CDKAL1: variants seen among roughly 807,000 people sequenced by gnomAD.
The protein encoded by CDKAL1 is CDKAL1 threonylcarbamoyladenosine tRNA methylthiotransferase.
In CDKAL1, 32 loss-of-function variants were observed where a neutral mutation model predicts 68.2. The observed-to-expected ratio is 0.47, with a 90% CI of 0.35 to 0.63. The LOEUF (loss-of-function observed/expected upper bound fraction) is 0.63, where lower values mean the gene tolerates loss of function less well. CDKAL1 is among the 30% of genes least tolerant of loss of function. The pLI, the probability that CDKAL1 is intolerant of heterozygous loss-of-function variation, is 0.00. For missense variants in CDKAL1, 606 were observed against 696.7 expected (o/e 0.87, Z 1.47); for synonymous variants, 234 against 244.3 (o/e 0.96, Z 0.39).
intron 10 of CDKAL1, among the ~76,000 whole-genome samples, chr6:20,979,554 G>A (rs1766004041): frequency 2.6e-5 from 4 of 151,932 alleles, no homozygotes; most frequent in African/African-American, 9.7e-5. Flanking sequence ...CTTTTGATAG[G>A]AACATGTTTC....
At chr6:20,844,844 A>G (rs1359559512) in intron 8 of CDKAL1, among the ~76,000 whole-genome samples, 1 of 152,186 alleles carries the variant, frequency 6.6e-6, no homozygotes, top group African/African-American at 2.4e-5. Flanking sequence ...AGGGCAGAAT[A>G]TGTAAAGAGA....
At chr6:21,052,259 A>T (rs79351680) in intron 11 of CDKAL1, among the ~76,000 whole-genome samples, 2,204 of 152,304 alleles carry the variant, frequency 0.014, 56 homozygotes, top group African/African-American at 0.05. Context: ...AAATAGATCC[A>T]TGCTTTCCTT....
intron 13 of CDKAL1, among the ~76,000 whole-genome samples, chr6:21,159,099 TCC>T (rs2151060462): frequency 7.8e-6 from 1 of 127,874 alleles, no homozygotes; most frequent in Non-Finnish European, 1.7e-5. Context: ...TTCTGAAACC[TCC>T]TTTTTTTTTT....
intron 7 of CDKAL1, among the ~76,000 whole-genome samples, chr6:20,769,507 G>A (rs899523626): frequency 4.6e-5 from 7 of 151,764 alleles, no homozygotes; most frequent in South Asian, 4.2e-4. Flanking sequence ...GATCTCCCCC[G>A]CCTTGTCCCA....
chr6:20,936,038 A>G (rs1373225246), intron 9 of CDKAL1, among the ~76,000 whole-genome samples: 1 of 152,108 alleles, frequency 6.6e-6, no homozygotes, highest in African/African-American at 2.4e-5. Context: ...AATAATGAAT[A>G]GAAATGTAAT....
chr6:20,663,987 A>G (rs1769409058), intron 5 of CDKAL1, among the ~76,000 whole-genome samples: 1 of 152,170 alleles, frequency 6.6e-6, no homozygotes, highest in African/African-American at 2.4e-5. Context: ...AAAATGGAGA[A>G]TTTGATATAA....
intron 13 of CDKAL1, among the ~76,000 whole-genome samples, chr6:21,142,051 G>A (rs111391973): frequency 0.017 from 2,583 of 152,084 alleles, 69 homozygotes; most frequent in African/African-American, 0.059. Flanking sequence ...AAAAAAAGAA[G>A]GAAGGAAAAA....
At chr6:21,037,304 G>A (rs759813660) in intron 11 of CDKAL1, among the ~76,000 whole-genome samples, 12 of 152,260 alleles carry the variant, frequency 7.9e-5, no homozygotes, top group Middle Eastern at 3.4e-3. Context: ...GGAGCAGAAT[G>A]CCTTTGCATT....
chr6:20,814,271 T>C (rs1298322421), intron 8 of CDKAL1, among the ~76,000 whole-genome samples: 2 of 152,192 alleles, frequency 1.3e-5, no homozygotes, highest in African/African-American at 2.4e-5. Flanking sequence ...TAACATTGTA[T>C]TCTCCCACCT....
chr6:20,578,196 T>C (rs78587584), intron 4 of CDKAL1, among the ~76,000 whole-genome samples: 4,981 of 152,278 alleles, frequency 0.033, 260 homozygotes, highest in African/African-American at 0.11. Flanking sequence ...GTATAATTTA[T>C]ATCCAATAAA....
intron 9 of CDKAL1, among the ~76,000 whole-genome samples, chr6:20,898,052 T>A (rs976235427): frequency 6.6e-6 from 1 of 152,074 alleles, no homozygotes; most frequent in East Asian, 1.9e-4. Context: ...AATCAACAGA[T>A]CTTTACTCAT....
chr6:20,563,544 A>G (rs1264380820), intron 4 of CDKAL1, among the ~76,000 whole-genome samples: 1 of 151,986 alleles, frequency 6.6e-6, no homozygotes, highest in East Asian at 1.9e-4. Context: ...ATGGTGTCTC[A>G]CTGTGTTGCC....
chr6:21,049,016 T>C (rs2150907943), intron 11 of CDKAL1, among the ~76,000 whole-genome samples: 1 of 152,096 alleles, frequency 6.6e-6, no homozygotes, highest in East Asian at 1.9e-4. Context: ...ACTTTATCTT[T>C]CTGACTTAGG....
chr6:20,809,062 A>G (rs2150417479), intron 8 of CDKAL1, among the ~76,000 whole-genome samples: 1 of 152,364 alleles, frequency 6.6e-6, no homozygotes, highest in Middle Eastern at 3.4e-3. Context: ...TGCAGAAACC[A>G]CAGTGTTTTT....
intron 9 of CDKAL1, among the ~76,000 whole-genome samples, chr6:20,909,480 T>G (rs764798758): frequency 1.4e-4 from 22 of 152,240 alleles, no homozygotes; most frequent in African/African-American, 3.4e-4. Context: ...GCTAGTTACA[T>G]CTAAGCTATT....
In CDKAL1 at chr6:21,020,464, A is replaced by T. The variant is rs528405876; in HGVS notation, c.1055+20092A>T. On this transcript the variant is annotated intron_variant, in intron 11 of 15. Coordinates refer to ENST00000274695, the MANE Select transcript of CDKAL1 (RefSeq NM_017774.3). ...TACGTACTTCTGTCTTTTTTATTTT[A>T]TTTATTTATTTATTTATTTTGAGAT... 3.9e-5 allele frequency among the ~76,000 whole-genome samples: 6 copies of T among 151,930 alleles called. No homozygotes were observed. In the South Asian group the frequency reaches 1.2e-3, roughly 32 times the overall value.
At chr6:21,137,382 C>T (rs1405409865) in intron 13 of CDKAL1, among the ~76,000 whole-genome samples, 6 of 152,022 alleles carry the variant, frequency 3.9e-5, no homozygotes, top group Admixed American at 2.0e-4. Flanking sequence ...TGACCGTCAC[C>T]GCCACATGCA....
chr6:20,892,734 A>G (rs1761472961), intron 9 of CDKAL1, among the ~76,000 whole-genome samples: 1 of 152,178 alleles, frequency 6.6e-6, no homozygotes, highest in Non-Finnish European at 1.5e-5. Flanking sequence ...CCTCATATTA[A>G]CTATCCACTT....
intron 13 of CDKAL1, among the ~76,000 whole-genome samples, chr6:21,109,155 T>A (rs1044544825): frequency 9.2e-5 from 14 of 152,310 alleles, no homozygotes; most frequent in Admixed American, 3.9e-4. Flanking sequence ...AGAAAATGCT[T>A]AACTCCACAT....
Sources: gnomAD v4.1 joint callset for allele counts (sites outside exome capture counted in the v4.1 genomes callset) on GRCh38, gnomAD v4.1.1 for gene constraint, MANE v1.5 for transcripts, NCBI Gene and HGNC (gene_info 2026-07-23, HGNC 2026-07-21) for gene names.